ZNF135: variants seen among roughly 807,000 people sequenced by gnomAD.
ZNF135 encodes zinc finger protein 135 (clone pHZ-17).
Under a neutral mutation model 12.3 loss-of-function variants are expected in ZNF135, and 11 were observed. The ratio of observed to expected loss-of-function variants is 0.89; its 90% confidence interval spans 0.56 to 1.48. The LOEUF (loss-of-function observed/expected upper bound fraction) is 1.48. Ranked by LOEUF, ZNF135 falls within the 40% of genes most tolerant of loss-of-function variation. The pLI is 0.00. For synonymous variants in ZNF135, 316 were observed against 312.0 expected, an observed-to-expected ratio of 1.01 and a Z score of -0.14; for missense variants, 722 against 815.7, an observed-to-expected ratio of 0.89 and a Z score of 1.40.
Position 58,068,803 on chromosome 19 carries a change from T to G in ZNF135, c.*342T>G. The G allele has an allele frequency of 4.6e-6, 1 of 217,044 alleles. No individual in the cohort carries two copies. Among genetic ancestry groups the G allele is most frequent in the Admixed American group, 5.1e-5 (1 of 19,722 alleles). The allele number at this position is 217,044 out of a possible 1,614,324, so 13.4% of individuals were successfully genotyped here. ...TCCAGGGAACGCTTTTGTCCAAGGA[T>G]TCACCGTATTCCAAACCAGAGATGT... is the stretch of plus-strand genomic sequence containing the variant. On this transcript the variant is annotated 3_prime_UTR_variant, in exon 5 of 5. Coordinates refer to ENST00000313434, the MANE Select transcript of ZNF135 (RefSeq NM_001289401.2).
chr19:58,068,025 G>A lies in ZNF135; in HGVS notation c.1541G>A (p.Arg514Gln), dbSNP rs760748151. ...SHSSSLTKHQRIHTGEKPYEC... is the reference protein window; with the variant it reads ...SHSSSLTKHQQIHTGEKPYEC... ...AGCTCGTCCCTCACCAAACATCAGC[G>A]AATCCACACTGGGGAGAAGCCCTAC... The change falls in exon 5 of 5, where the codon CGA becomes CAA. Residue 514 changes from arginine (R) to glutamine (Q), a missense_variant. By Grantham distance (43) the Arg-to-Gln change is conservative. Coordinates refer to ENST00000313434, the MANE Select transcript of ZNF135 (RefSeq NM_001289401.2). The A allele has an allele frequency of 4.5e-5, 73 of 1,613,912 alleles. No individual in the cohort carries two copies. Among genetic ancestry groups the A allele is most frequent in the East Asian group, 8.9e-5 (4 of 44,882 alleles).
chr19:58,067,131 G>A lies in ZNF135; in HGVS notation c.647G>A (p.Cys216Tyr). 6.2e-7 allele frequency: 1 copy of A among 1,614,196 alleles called. No homozygotes were observed. The highest frequency in any genetic ancestry group is 1.1e-5 in the South Asian group (1 of 91,086). Reference sequence around the variant, plus strand: ...TGTGTAAAAGAGAAACCCTACAAATGTCAGGAATGCGGAAAGGCCTTTAGT... The same window carrying A: ...TGTGTAAAAGAGAAACCCTACAAATATCAGGAATGCGGAAAGGCCTTTAGT... ...KTCVKEKPYK[C>Y]QECGKAFSHS... Residue 216 changes from cysteine (C) to tyrosine (Y), a missense_variant, in exon 5 of 5, where the codon TGT becomes TAT. Cys to Tyr is a radical substitution (Grantham distance 194). Coordinates refer to ENST00000313434, the MANE Select transcript of ZNF135 (RefSeq NM_001289401.2).
rs1330833842 is a variant in ZNF135 at position 58,059,619 on chromosome 19, C to T, written c.-35+309C>T. The T allele has an allele frequency of 2.3e-5, 12 of 517,720 alleles. No individual in the cohort carries two copies. Among genetic ancestry groups the T allele is most frequent in the Non-Finnish European group, 4.1e-5 (12 of 295,992 alleles). The allele number at this position is 517,720 out of a possible 1,614,324, so 32.1% of individuals were successfully genotyped here. A position where few individuals can be genotyped will look rare whatever the true frequency, so the allele number is the denominator to read the frequency against. On this transcript the variant is annotated intron_variant, in intron 1 of 4. Coordinates refer to ENST00000313434, the MANE Select transcript of ZNF135 (RefSeq NM_001289401.2). This position sits in a 1 kb window ranked among gnomAD's most constrained non-coding sequence, Gnocchi z 6.5. ...GGCCCCACCTCTGCCCCACACCGGG[C>T]ACTGGGCCGCCACCTTTGTTGATGG...
chr19:58,059,359 C>A lies in ZNF135; in HGVS notation c.-35+49C>A. On this transcript the variant is annotated intron_variant, in intron 1 of 4. Transcript: ENST00000313434. This position sits in a 1 kb window ranked among gnomAD's most constrained non-coding sequence, Gnocchi z 6.5. ...GGAGGGGAGGCCAGGCCGGGCCGGGCCGGGCCGGGTGCGGGGGGTCCGGGG... is the reference window on the plus strand; with the variant it reads ...GGAGGGGAGGCCAGGCCGGGCCGGGACGGGCCGGGTGCGGGGGGTCCGGGG... The A allele has an allele frequency of 8.7e-7, 1 of 1,155,756 alleles. No homozygotes were observed. Among genetic ancestry groups the A allele is most frequent in the Non-Finnish European group, 1.2e-6 (1 of 858,112 alleles). 71.6% of individuals were successfully genotyped at this position (1,155,756 alleles called of 1,614,324 possible). A position where few individuals can be genotyped will look rare whatever the true frequency, so the allele number is the denominator to read the frequency against.
rs1210550279 is a variant in ZNF135 at position 58,059,350 on chromosome 19, C to G, written c.-35+40C>G. 3.9e-6 allele frequency: 3 copies of G among 766,994 alleles called. No individual in the cohort carries two copies. Among genetic ancestry groups the G allele is most frequent in the South Asian group, 2.7e-5 (1 of 36,844 alleles). The allele number at this position is 766,994 out of a possible 1,614,324, so 47.5% of individuals were successfully genotyped here. A position where few individuals can be genotyped will look rare whatever the true frequency, so the allele number is the denominator to read the frequency against. ...CGAGGAGGGGGAGGGGAGGCCAGGCCGGGCCGGGCCGGGCCGGGTGCGGGG... is the reference window on the plus strand; with the variant it reads ...CGAGGAGGGGGAGGGGAGGCCAGGCGGGGCCGGGCCGGGCCGGGTGCGGGG... On this transcript the variant is annotated intron_variant, in intron 1 of 4. Transcript: ENST00000313434. This position sits in a 1 kb window ranked among gnomAD's most constrained non-coding sequence, Gnocchi z 6.5.
In ZNF135 at chr19:58,059,394, A is replaced by G; in HGVS notation, c.-35+84A>G. Reference sequence around the variant, plus strand: ...TGCGGGGGGTCCGGGGATCTTCCTGAGGCCCTGGCGGGGCGAGTTTCCAGC... The same window carrying G: ...TGCGGGGGGTCCGGGGATCTTCCTGGGGCCCTGGCGGGGCGAGTTTCCAGC... On this transcript the variant is annotated intron_variant, in intron 1 of 4. Transcript: ENST00000313434. This position sits in a 1 kb window ranked among gnomAD's most constrained non-coding sequence, Gnocchi z 6.5. 1 of 902,350 alleles carries G rather than the reference A, an allele frequency of 1.1e-6. No individual in the cohort carries two copies. Among genetic ancestry groups the G allele is most frequent in the Non-Finnish European group, 1.5e-6 (1 of 646,698 alleles). 55.9% of individuals were successfully genotyped at this position (902,350 alleles called of 1,614,324 possible). A position where few individuals can be genotyped will look rare whatever the true frequency, so the allele number is the denominator to read the frequency against.
chr19:58,061,071 T>C (rs2073970721), intron 2 of ZNF135, among the ~76,000 whole-genome samples: 1 of 150,018 alleles, frequency 6.7e-6, no homozygotes, highest in African/African-American at 2.5e-5. Flanking sequence ...GAGCTTGCAG[T>C]GAGCCAAGAT....
Position 58,068,373 on chromosome 19 carries a change from G to A in ZNF135, c.1889G>A (p.Gly630Glu). 1 of 1,614,190 alleles carries A rather than the reference G, an allele frequency of 6.2e-7. No individual in the cohort carries two copies. Among genetic ancestry groups the A allele is most frequent in the Non-Finnish European group, 8.5e-7 (1 of 1,180,036 alleles). The change falls in exon 5 of 5, where the codon GGA (glycine) becomes GAA (glutamate). Residue 630 changes from glycine (G) to glutamate (E), a missense_variant. By Grantham distance (98) the Gly-to-Glu change is moderately conservative. Coordinates refer to ENST00000313434, the MANE Select transcript of ZNF135 (RefSeq NM_001289401.2). Reference protein sequence around the residue: ...HLTQHRRIHTGEKPYACRDCG... With the variant: ...HLTQHRRIHTEEKPYACRDCG... ...ACTCAGCACCGGAGGATCCACACAG[G>A]AGAGAAGCCATATGCATGCAGGGAC...
rs2074098679 is a variant in ZNF135, at chr19:58,067,687, G to A, written c.1203G>A (p.Gln401=). The change falls in exon 5 of 5, where the codon CAG becomes CAA. Residue 401 remains glutamine (Q), a synonymous_variant. Transcript: ENST00000313434. ...FTQITPLIQH[Q]RTHTGEKPYE... Reference sequence around the variant, plus strand: ...AGATCACACCACTGATTCAGCACCAGAGGACCCACACAGGAGAAAAGCCCT... The same window carrying A: ...AGATCACACCACTGATTCAGCACCAAAGGACCCACACAGGAGAAAAGCCCT... The A allele has an allele frequency of 6.2e-7, 1 of 1,613,926 alleles. No homozygotes were observed. The highest frequency in any genetic ancestry group is 1.3e-5 in the African/African-American group (1 of 74,948).
In ZNF135 at chr19:58,067,934, C is replaced by T. The variant is rs1329144455; in HGVS notation, c.1450C>T (p.His484Tyr). Residue 484 changes from histidine (H) to tyrosine (Y), a missense_variant, in exon 5 of 5, where the codon CAC (histidine) becomes TAC (tyrosine). Coordinates refer to ENST00000313434, the MANE Select transcript of ZNF135 (RefSeq NM_001289401.2). ...CCGGCAGAGCACACACCTCACCCAA[C>T]ACCAGCGAATCCACACAGGGGAGAA... ...AFRQSTHLTQ[H>Y]QRIHTGEKPY... 6.2e-7 allele frequency: 1 copy of T among 1,613,946 alleles called. No individual in the cohort carries two copies. Among genetic ancestry groups the T allele is most frequent in the Non-Finnish European group, 8.5e-7 (1 of 1,179,988 alleles).
Position 58,059,286 on chromosome 19 carries a change from C to A in ZNF135, c.-59C>A. On this transcript the variant is annotated 5_prime_UTR_variant, in exon 1 of 5. Transcript: ENST00000313434. This position sits in a 1 kb window ranked among gnomAD's most constrained non-coding sequence, Gnocchi z 6.5. ...GGCGCAGTGTCGGCTGCCGGTGCCG[C>A]GGCCTTTGTCTCGCAGTCAGGAGGG... is the stretch of plus-strand genomic sequence containing the variant. The A allele has an allele frequency of 2.8e-6, 4 of 1,448,434 alleles. No individual in the cohort carries two copies. The highest frequency in any genetic ancestry group is 3.7e-6 in the Non-Finnish European group (4 of 1,090,022). 89.7% of individuals were successfully genotyped at this position (1,448,434 alleles called of 1,614,324 possible). A position where few individuals can be genotyped will look rare whatever the true frequency, so the allele number is the denominator to read the frequency against.
intron 3 of ZNF135, among the ~76,000 whole-genome samples, chr19:58,062,020 C>G (rs1431356927): frequency 2.6e-5 from 4 of 152,144 alleles, no homozygotes; most frequent in African/African-American, 9.7e-5. Flanking sequence ...TTCTTCAACA[C>G]CTCCCTCTGC....
Position 58,067,476 on chromosome 19 carries a change from G to A in ZNF135, c.992G>A (p.Cys331Tyr). 6.2e-7 allele frequency: 1 copy of A among 1,614,206 alleles called. No homozygotes were observed. Among genetic ancestry groups the A allele is most frequent in the Non-Finnish European group, 8.5e-7 (1 of 1,180,046 alleles). ...GAGAAGCCCTACGAGTGCAGTGAGT[G>A]TGGGAAAGCCTTCCGGCAAAGCATC... ...TGEKPYECSE[C>Y]GKAFRQSIHL... The change falls in exon 5 of 5, where the codon TGT becomes TAT. Residue 331 changes from cysteine (C) to tyrosine (Y), a missense_variant. Physicochemically the swap from Cys to Tyr is radical, Grantham distance 194. Coordinates refer to ENST00000313434, the MANE Select transcript of ZNF135 (RefSeq NM_001289401.2).
chr19:58,059,439 T>C lies in ZNF135; in HGVS notation c.-35+129T>C. 9.9e-7 allele frequency: 1 copy of C among 1,012,982 alleles called. No individual in the cohort carries two copies. The highest frequency in any genetic ancestry group is 1.4e-6 in the Non-Finnish European group (1 of 736,056). 62.7% of individuals were successfully genotyped at this position (1,012,982 alleles called of 1,614,324 possible). A position where few individuals can be genotyped will look rare whatever the true frequency, so the allele number is the denominator to read the frequency against. On this transcript the variant is annotated intron_variant, in intron 1 of 4. Transcript: ENST00000313434. The surrounding 1 kb of genome is among the most constrained non-coding windows in gnomAD (Gnocchi z 6.5). Reference sequence around the variant, plus strand: ...TCCAGCAGCGCGCGTCTGTGTGGAGTCCGTTTTGCTGCCCGGGGCCTGGGG... The same window carrying C: ...TCCAGCAGCGCGCGTCTGTGTGGAGCCCGTTTTGCTGCCCGGGGCCTGGGG...
chr19:58,066,076 G>A (rs59894429), intron 4 of ZNF135, among the ~76,000 whole-genome samples: 54,949 of 151,998 alleles, frequency 0.36, 10,239 homozygotes, highest in Admixed American at 0.44. Flanking sequence ...CAAGGTGGAC[G>A]GAAACCCCTA....
Position 58,066,869 on chromosome 19 carries a change from A to G in ZNF135, c.385A>G (p.Thr129Ala). The change falls in exon 5 of 5, where the codon ACT becomes GCT. Residue 129 changes from threonine (T) to alanine (A), a missense_variant. By Grantham distance (58) the Thr-to-Ala change is moderately conservative. Coordinates refer to ENST00000313434, the MANE Select transcript of ZNF135 (RefSeq NM_001289401.2). ...TCTGTGGTACTGCAGGGGTGAGGAC[A>G]CTGAGGGCCACTGGGAATGGAGTTG... ...DGLWYCRGED[T>A]EGHWEWSCES... is the part of the protein sequence containing the mutation. 6.2e-7 allele frequency: 1 copy of G among 1,614,224 alleles called. No homozygotes were observed. The highest frequency in any genetic ancestry group is 8.5e-7 in the Non-Finnish European group (1 of 1,180,030).
rs2074013135 is a variant in ZNF135 at position 58,063,375 on chromosome 19, G to A, written c.161-71G>A. 2.5e-6 allele frequency: 4 copies of A among 1,597,584 alleles called. No homozygotes were observed. The highest frequency in any genetic ancestry group is 2.2e-5 in the South Asian group (2 of 89,128). On this transcript the variant is annotated intron_variant, in intron 3 of 4. Coordinates refer to ENST00000313434, the MANE Select transcript of ZNF135 (RefSeq NM_001289401.2). The surrounding 1 kb of genome is among the most constrained non-coding windows in gnomAD (Gnocchi z 4.4). ...CCATCTGGGACCTGGAAGACCAAAG[G>A]TGGAATGGGCTGAGGCTCAGGAAGG...
Position 58,060,181 on chromosome 19 carries a change from C to G in ZNF135, c.33+146C>G. The G allele has an allele frequency of 6.6e-7, 1 of 1,515,588 alleles. No homozygotes were observed. The highest frequency in any genetic ancestry group is 2.5e-5 in the East Asian group (1 of 40,642). The allele number at this position is 1,515,588 out of a possible 1,614,324, so 93.9% of individuals were successfully genotyped here. A position where few individuals can be genotyped will look rare whatever the true frequency, so the allele number is the denominator to read the frequency against. On this transcript the variant is annotated intron_variant, in intron 2 of 4. Coordinates refer to ENST00000313434, the MANE Select transcript of ZNF135 (RefSeq NM_001289401.2). This position sits in a 1 kb window ranked among gnomAD's most constrained non-coding sequence, Gnocchi z 4.9. The stretch of plus-strand genomic sequence containing the variant: ...TGTGCCCGGCCCCTACTTGCGTGCC[C>G]GGCCCCTACTCGTGCCCGGCCTCTA...
chr19:58,067,209 A>G lies in ZNF135; in HGVS notation c.725A>G (p.Tyr242Cys), dbSNP rs753690002. 1.9e-6 allele frequency: 3 copies of G among 1,614,126 alleles called. No homozygotes were observed. The highest frequency in any genetic ancestry group is 1.7e-5 in the Admixed American group (1 of 60,018). ...CGGACGCACACAGGAGAGAGACCTT[A>G]CGAATGTCACGAATGCTTAAAAGGC... is the stretch of plus-strand genomic sequence containing the variant. ...HHRTHTGERP[Y>C]ECHECLKGFR... Residue 242 changes from tyrosine (Y) to cysteine (C), a missense_variant, in exon 5 of 5, where the codon TAC (tyrosine) becomes TGC (cysteine). By Grantham distance (194) the Tyr-to-Cys change is radical. Coordinates refer to ENST00000313434, the MANE Select transcript of ZNF135 (RefSeq NM_001289401.2).
Sources: allele counts gnomAD v4.1 joint callset (sites outside exome capture counted in the v4.1 genomes callset), GRCh38; gene constraint gnomAD v4.1.1; non-coding constraint Gnocchi (gnomAD v3.1); transcripts MANE v1.5; gene names NCBI Gene and HGNC (gene_info 2026-07-23, HGNC 2026-07-21).